Variants in UNC80 observed in about 807,000 individuals in gnomAD.
The protein encoded by UNC80 is unc-80 subunit of NALCN channel complex.
UNC80 carries 164 observed loss-of-function variants against 384.6 expected under a neutral mutation model. The ratio of observed to expected loss-of-function variants is 0.43; its 90% CI spans 0.38 to 0.49. The LOEUF is 0.49. UNC80 is among the 20% of genes least tolerant of loss of function. UNC80 has a pLI of 0.00. For missense variants in UNC80, 3,330 were observed against 4,143.0 expected (o/e 0.80, Z 5.39); for synonymous variants, 1,486 against 1,527.8 (o/e 0.97, Z 0.64).
intron 33 of UNC80, 23 bp from the exon 34 acceptor site, chr2:209,921,477 A>G: frequency 1.3e-6 from 2 of 1,532,980 alleles, no homozygotes; most frequent in Non-Finnish European, 1.8e-6. Context: ...CTATTAAATG[A>G]ACTTGCCTTT....
chr2:209,817,088 A>T lies in UNC80; in HGVS notation c.1515A>T (p.Arg505=), dbSNP rs371339054. ...GSFSGLGEDR[R]GIEKGGWQTT... is the part of the protein sequence containing the mutation. Reference sequence around the variant, plus strand: ...TCTCTGGGCTGGGAGAAGACAGGCGAGGAATTGAGAAAGGAGGCTGGCAAA... The same window carrying T: ...TCTCTGGGCTGGGAGAAGACAGGCGTGGAATTGAGAAAGGAGGCTGGCAAA... Residue 505 remains arginine, a synonymous_variant, in exon 10 of 65, where the codon CGA becomes CGT. Transcript: ENST00000673920. 2 of 1,551,600 alleles carry T rather than the reference A, an allele frequency of 1.3e-6. No individual in the cohort carries two copies. The highest frequency in any genetic ancestry group is 2.7e-5 in the African/African-American group (2 of 73,018).
Position 209,873,203 on chromosome 2 carries a change from T to G in UNC80, c.3840+233T>G, listed in dbSNP as rs146782794. On this transcript the variant is annotated intron_variant, in intron 23 of 64. Coordinates refer to ENST00000673920, the MANE Select transcript of UNC80 (RefSeq NM_001371986.1). Reference sequence around the variant, plus strand: ...TTAAGAGAACTGAAGTTTATACAGGTCAAGCGACCTACCAAATTTTACATA... The same window carrying G: ...TTAAGAGAACTGAAGTTTATACAGGGCAAGCGACCTACCAAATTTTACATA... Among the ~76,000 whole-genome samples, 11 of 152,296 alleles carry G rather than the reference T, an allele frequency of 7.2e-5. No homozygotes were observed. In the East Asian group the frequency reaches 1.9e-3, roughly 27 times the overall value.
intron 7 of UNC80, among the ~76,000 whole-genome samples, chr2:209,806,567 C>A (rs973150961): frequency 1.3e-5 from 2 of 152,168 alleles, no homozygotes; most frequent in African/African-American, 4.8e-5. Flanking sequence ...GGAAATGATG[C>A]AAAGTAAAAC....
intron 22 of UNC80, among the ~76,000 whole-genome samples, chr2:209,864,994 C>T (rs544552074): frequency 9.4e-4 from 143 of 152,308 alleles, no homozygotes; most frequent in Non-Finnish European, 7.6e-4. Context: ...GGGGCATCTT[C>T]GGATCTGTGG....
At chr2:209,929,833 A>G (rs2124964075) in intron 36 of UNC80, 38 bp from the exon 37 acceptor site, 6 of 1,423,180 alleles carry the variant, frequency 4.2e-6, no homozygotes, top group Non-Finnish European at 4.7e-6. Flanking sequence ...ACTTAACTCC[A>G]TTAAAGACAA....
intron 58 of UNC80, 74 bp from the exon 59 acceptor site, chr2:209,978,455 T>G (rs2093067645): frequency 1.6e-6 from 2 of 1,266,810 alleles, no homozygotes; most frequent in Non-Finnish European, 2.1e-6. Context: ...AAAATACAAG[T>G]GGTCAGGGAG....
rs1333091729 is a variant in UNC80 at position 209,973,266 on chromosome 2, C to T, written c.8583C>T (p.Tyr2861=). 1 of 1,551,374 alleles carries T rather than the reference C, an allele frequency of 6.4e-7. No homozygotes were observed. Among genetic ancestry groups the T allele is most frequent in the Admixed American group, 2.0e-5 (1 of 50,988 alleles). ...CTGAGTCCACCAGCCAAGCAGCATACTTGGGTTGGTACTTTCTCTCTCTCT... is the reference window on the plus strand; with the variant it reads ...CTGAGTCCACCAGCCAAGCAGCATATTTGGGTTGGTACTTTCTCTCTCTCT... ...GLAESTSQAA[Y]LALKVILVCF... The change falls in exon 56 of 65, where the codon TAC becomes TAT. Residue 2861 remains tyrosine (Y), a synonymous_variant. Transcript: ENST00000673920.
chr2:209,947,056 A>T (rs1029822368), intron 47 of UNC80, among the ~76,000 whole-genome samples: 2 of 152,158 alleles, frequency 1.3e-5, no homozygotes, highest in African/African-American at 4.8e-5. Context: ...TGTGGCCTTC[A>T]GGAGAACAAA....
rs1295205013 is a variant in UNC80 at position 209,959,191 on chromosome 2, G to C, written c.7586+37G>C. 7.1e-6 allele frequency: 11 copies of C among 1,547,074 alleles called. No individual in the cohort carries two copies. The South Asian group carries it at 1.3e-4, about 18-fold the overall frequency. Reference sequence around the variant, plus strand: ...CTTGCTCTAATTTCATACCAGTTCTGACATCTTGAGATGATTGCCTTTTAA... The same window carrying C: ...CTTGCTCTAATTTCATACCAGTTCTCACATCTTGAGATGATTGCCTTTTAA... On this transcript the variant is annotated intron_variant, in intron 50 of 64. Transcript: ENST00000673920.
rs913400163 is a variant in UNC80 at position 209,969,838 on chromosome 2, A to G, written c.8077A>G (p.Ile2693Val). 1.0e-5 allele frequency: 16 copies of G among 1,551,606 alleles called. No homozygotes were observed. The highest frequency in any genetic ancestry group is 4.9e-5 in the East Asian group (2 of 40,940). ...TTGTTTGACACTTCAGAGGCAGCCA[A>G]TCATATCCTTCCTGCCTCACCTTAG... ...GVCLTLQRQP[I>V]ISFLPHLRSL... Residue 2693 changes from isoleucine (I) to valine (V), a missense_variant, in exon 53 of 65, where the codon ATC becomes GTC. Ile to Val is a conservative substitution (Grantham distance 29, BLOSUM62 3). Around this residue, in one of 8 missense-constraint regions of UNC80, gnomAD observed 1,049 missense variants for 1,488.6 expected, o/e 0.70. Transcript: ENST00000673920.
chr2:209,813,700 G>A lies in UNC80; in HGVS notation c.1059G>A (p.Met353Ile). ...AGGAAGGCACTCAGTGGTCTCTGAT[G>A]TACTATCTACAAAGGCTGCGACACA... ...WSEEGTQWSL[M>I]YYLQRLRHML... Residue 353 changes from methionine (M) to isoleucine (I), a missense_variant, in exon 8 of 65, where the codon ATG becomes ATA. By Grantham distance (10) the Met-to-Ile change is conservative (BLOSUM62 1). Transcript: ENST00000673920. 2 of 1,551,758 alleles carry A rather than the reference G, an allele frequency of 1.3e-6. No individual in the cohort carries two copies. The highest frequency in any genetic ancestry group is 1.7e-6 in the Non-Finnish European group (2 of 1,147,022).
At position 209,957,631 on chromosome 2, in the gene UNC80, G is replaced by A; in HGVS notation, c.7458-13G>A. 1.3e-6 allele frequency: 2 copies of A among 1,548,140 alleles called. No individual in the cohort carries two copies. Among genetic ancestry groups the A allele is most frequent in the South Asian group, 1.2e-5 (1 of 83,726 alleles). ...TTGTTGTTTTGCTGTGGTGATTACT[G>A]TCATTGTTACAGGCCCATGACAGCC... On this transcript the variant is annotated splice_polypyrimidine_tract_variant and intron_variant, in intron 48 of 64. Coordinates refer to ENST00000673920, the MANE Select transcript of UNC80 (RefSeq NM_001371986.1).
At position 209,815,372 on chromosome 2, in the gene UNC80, G is replaced by T; in HGVS notation, c.1316G>T (p.Gly439Val). The change falls in exon 9 of 65, where the codon GGC (glycine) becomes GTC (valine). Residue 439 changes from glycine to valine, a missense_variant. This residue lies in a region of UNC80 where 937 missense variants were observed against 1,026.8 expected (regional missense o/e 0.91). Coordinates refer to ENST00000673920, the MANE Select transcript of UNC80 (RefSeq NM_001371986.1). Reference sequence around the variant, plus strand: ...GTCCCAGATCTTTCTTCAGACCTGGGCATGAATATTTTTAAAAAGGTGAGT... The same window carrying T: ...GTCCCAGATCTTTCTTCAGACCTGGTCATGAATATTTTTAAAAAGGTGAGT... ...SAVPDLSSDL[G>V]MNIFKKFKSR... is the part of the protein sequence containing the mutation. 6.4e-7 allele frequency: 1 copy of T among 1,551,180 alleles called. No homozygotes were observed. The highest frequency in any genetic ancestry group is 8.7e-7 in the Non-Finnish European group (1 of 1,146,812).
At chr2:209,888,507 TGATTTACC>T (rs1267947797) in intron 26 of UNC80, among the ~76,000 whole-genome samples, 2 of 152,182 alleles carry the variant, frequency 1.3e-5, no homozygotes, top group Admixed American at 1.3e-4. Context: ...AACCATTATT[TGATTTACC>T]AATAAGGAAA....
At chr2:209,786,828 T>TAGGG (rs2077456709) in intron 5 of UNC80, among the ~76,000 whole-genome samples, 1 of 151,920 alleles carries the variant, frequency 6.6e-6, no homozygotes, top group Non-Finnish European at 1.5e-5. Flanking sequence ...TGCCACCTTA[T>TAGGG]AGGGCTTTTT....
intron 46 of UNC80, 90 bp from the exon 47 acceptor site, chr2:209,945,757 A>T: frequency 2.5e-6 from 2 of 811,368 alleles, no homozygotes; most frequent in East Asian, 2.7e-5. Context: ...TACAGTATAT[A>T]CTGGAATGAT....
rs1000545400 is a variant in UNC80, at chr2:209,967,423, T to C, written c.7806-14T>C. 7.8e-6 allele frequency: 12 copies of C among 1,530,544 alleles called. No individual in the cohort carries two copies. Among genetic ancestry groups the C allele is most frequent in the Middle Eastern group, 1.9e-4 (1 of 5,264 alleles). The allele number at this position is 1,530,544 out of a possible 1,614,324, so 94.8% of individuals were successfully genotyped here. ...TTATACTTTAAAATATATATACATA[T>C]ATATATATTTTAGGTTGGCAGAAAT... On this transcript the variant is annotated splice_polypyrimidine_tract_variant and intron_variant, in intron 51 of 64. Transcript: ENST00000673920.
chr2:209,856,015 G>C (rs1349577921), intron 22 of UNC80, among the ~76,000 whole-genome samples: 1 of 151,820 alleles, frequency 6.6e-6, no homozygotes, highest in Non-Finnish European at 1.5e-5. Flanking sequence ...TAAAATTATT[G>C]AGTTACAATT....
chr2:209,973,624 G>A (rs1161081927), intron 56 of UNC80, among the ~76,000 whole-genome samples: 1 of 152,190 alleles, frequency 6.6e-6, no homozygotes, highest in East Asian at 1.9e-4. Flanking sequence ...CTGCAGTAAA[G>A]ATTCTTCCAT....
Sources: gnomAD v4.1 joint callset for allele counts (sites outside exome capture counted in the v4.1 genomes callset) on GRCh38, gnomAD v4.1.1 for gene constraint, gnomAD v4.1.1 regional missense constraint, MANE v1.5 for transcripts, NCBI Gene and HGNC (gene_info 2026-07-23, HGNC 2026-07-21) for gene names.